Variants in ANKRD29 observed in about 807,000 individuals in gnomAD.
ANKRD29 encodes the protein ankyrin repeat domain 29, also known as ankyrin repeat domain-containing protein 29.
In ANKRD29, 32 loss-of-function variants were observed where a neutral mutation model predicts 38.0. That is an observed-to-expected ratio of 0.84 (90% confidence interval 0.64 to 1.13). The LOEUF (loss-of-function observed/expected upper bound fraction) is 1.13. Ranked by LOEUF, ANKRD29 falls within the 50% of genes most tolerant of loss-of-function variation. The probability of loss-of-function intolerance (pLI) is 0.00; values close to 1 mark genes in which losing one functional copy is unlikely to be tolerated. For missense variants in ANKRD29, 357 were observed against 377.9 expected (o/e 0.94, Z 0.46); for synonymous variants, 135 against 152.4 (o/e 0.89, Z 0.84).
intron 6 of ANKRD29, among the ~76,000 whole-genome samples, chr18:23,624,579 CA>C (rs1361523084): frequency 7.1e-6 from 1 of 140,688 alleles, no homozygotes; most frequent in Non-Finnish European, 1.5e-5. Context: ...GTGTGTATAT[CA>C]AGTAGAAAAG....
chr18:23,650,342 C>A (rs1378727492), intron 1 of ANKRD29, among the ~76,000 whole-genome samples: 1 of 152,060 alleles, frequency 6.6e-6, no homozygotes, highest in Non-Finnish European at 1.5e-5. Flanking sequence ...GAGGTTCTCG[C>A]TGTGTGGCCT....
intron 3 of ANKRD29, among the ~76,000 whole-genome samples, chr18:23,639,420 A>G (rs1001486389): frequency 6.6e-6 from 1 of 152,226 alleles, no homozygotes; most frequent in African/African-American, 2.4e-5. Context: ...TTAGCTAAAA[A>G]GAAAGGAAAT....
intron 8 of ANKRD29, among the ~76,000 whole-genome samples, chr18:23,616,158 G>T (rs1408252667): frequency 2.0e-5 from 3 of 149,406 alleles, no homozygotes; most frequent in Middle Eastern, 3.6e-3. Flanking sequence ...CATACTGTAT[G>T]TATGTATACT....
At chr18:23,631,628 A>G (rs1044633474) in intron 5 of ANKRD29, among the ~76,000 whole-genome samples, 3 of 152,222 alleles carry the variant, frequency 2.0e-5, no homozygotes, top group African/African-American at 7.2e-5. Context: ...CAACTGCCCT[A>G]GAAACCATCT....
At chr18:23,619,038 T>C (rs546142802) in intron 7 of ANKRD29, among the ~76,000 whole-genome samples, 1 of 152,326 alleles carries the variant, frequency 6.6e-6, no homozygotes, top group East Asian at 1.9e-4. Context: ...TCTTCAAGCC[T>C]TCCTTATGGG....
chr18:23,648,020 G>C (rs765403948), intron 2 of ANKRD29: 1 of 152,658 alleles, frequency 6.6e-6, no homozygotes, highest in Non-Finnish European at 1.5e-5. Flanking sequence ...AGGTGCCAGG[G>C]GGGAAGGGAG....
At chr18:23,633,581 G>A (rs892347176) in intron 5 of ANKRD29, among the ~76,000 whole-genome samples, 15 of 152,046 alleles carry the variant, frequency 9.9e-5, no homozygotes, top group Admixed American at 2.6e-4. Context: ...TTCATTTTTT[G>A]TCGGTGGGGG....
intron 9 of ANKRD29, among the ~76,000 whole-genome samples, chr18:23,601,669 TTTA>T (rs1295687493): frequency 1.3e-5 from 2 of 152,106 alleles, no homozygotes; most frequent in African/African-American, 4.8e-5. Context: ...TTATATGTAT[TTTA>T]TTATTATTAT....
intron 9 of ANKRD29, among the ~76,000 whole-genome samples, chr18:23,603,460 C>T (rs959008415): frequency 1.3e-5 from 2 of 152,160 alleles, no homozygotes; most frequent in African/African-American, 4.8e-5. Flanking sequence ...TGGCAAAAAC[C>T]TGTCTCCACT....
intron 4 of ANKRD29, 69 bp from the exon 5 acceptor site, chr18:23,634,218 C>T (rs1013652684): frequency 5.2e-6 from 6 of 1,152,880 alleles, no homozygotes; most frequent in Non-Finnish European, 7.7e-6. Context: ...AGATGTTCCT[C>T]ACATACATAG....
At chr18:23,632,233 TTTTTC>T (rs2059941391) in intron 5 of ANKRD29, among the ~76,000 whole-genome samples, 1 of 152,128 alleles carries the variant, frequency 6.6e-6, no homozygotes, top group South Asian at 2.1e-4. Flanking sequence ...TTTCTTTTTC[TTTTTC>T]TTTTTTTAAT....
intron 9 of ANKRD29, among the ~76,000 whole-genome samples, chr18:23,607,747 C>G (rs1356163899): frequency 6.6e-6 from 1 of 152,188 alleles, no homozygotes; most frequent in Non-Finnish European, 1.5e-5. Context: ...AGGCTAGCCC[C>G]TAAAGGCTAT....
At chr18:23,653,438 A>G (rs957674974) in intron 1 of ANKRD29, among the ~76,000 whole-genome samples, 1 of 152,106 alleles carries the variant, frequency 6.6e-6, no homozygotes, top group African/African-American at 2.4e-5. Context: ...ATTAGTAGAG[A>G]TGGGTTTTCA....
At chr18:23,624,466 C>CAAAAAAT (rs2059835446) in intron 6 of ANKRD29, among the ~76,000 whole-genome samples, 1 of 32,436 alleles carries the variant, frequency 3.1e-5, no homozygotes. Context: ...GACTCCATCT[C>CAAAAAAT]AAAAAAAAAA....
In ANKRD29 at chr18:23,609,952, T is replaced by A. The variant is rs78808042; in HGVS notation, c.822+2140A>T. ...GGAATGGGGAAGTAATACTTCTACATGCTGAGTCAAATGAAAAAAGTGACC... is the reference window on the plus strand; with the variant it reads ...GGAATGGGGAAGTAATACTTCTACAAGCTGAGTCAAATGAAAAAAGTGACC... On this transcript the variant is annotated intron_variant, in intron 9 of 9. Coordinates refer to ENST00000592179, the MANE Select transcript of ANKRD29 (RefSeq NM_173505.4). Among the ~76,000 whole-genome samples the A allele has an allele frequency of 7.7e-4, 118 of 152,348 alleles. 1 individual carries two copies. The East Asian group carries it at 0.022, about 28-fold the overall frequency.
At chr18:23,652,121 G>A (rs904647372) in intron 1 of ANKRD29, among the ~76,000 whole-genome samples, 5 of 152,186 alleles carry the variant, frequency 3.3e-5, no homozygotes, top group African/African-American at 1.2e-4. Context: ...AGGTGGCAAT[G>A]TCTAGCAAAG....
At chr18:23,609,456 C>T (rs1042224168) in intron 9 of ANKRD29, among the ~76,000 whole-genome samples, 3 of 152,274 alleles carry the variant, frequency 2.0e-5, no homozygotes, top group African/African-American at 7.2e-5. Context: ...AATAATAAAA[C>T]TCCTATCTCC....
chr18:23,626,878 G>A (rs547997505), intron 6 of ANKRD29, among the ~76,000 whole-genome samples: 1 of 152,356 alleles, frequency 6.6e-6, no homozygotes. Context: ...GAATGTCAGT[G>A]CAACAATTAC....
At chr18:23,636,673 A>G (rs1046081050) in intron 4 of ANKRD29, among the ~76,000 whole-genome samples, 6 of 152,190 alleles carry the variant, frequency 3.9e-5, no homozygotes, top group Admixed American at 1.3e-4. Flanking sequence ...TCCCAGGCTC[A>G]AGCGATCCTC....
Sources: allele counts gnomAD v4.1 joint callset (sites outside exome capture counted in the v4.1 genomes callset), GRCh38; gene constraint gnomAD v4.1.1; transcripts MANE v1.5; gene names NCBI Gene and HGNC (gene_info 2026-07-23, HGNC 2026-07-21).